TNK2: variants seen among roughly 807,000 people sequenced by gnomAD.
TNK2 encodes the protein tyrosine kinase non receptor 2, also known as activated CDC42 kinase 1.
In TNK2, 83 loss-of-function variants were observed where a neutral mutation model predicts 101.8. The ratio of observed to expected loss-of-function variants is 0.82; its 90% CI spans 0.68 to 0.98. The LOEUF (loss-of-function observed/expected upper bound fraction) is 0.98. Among genes scored for constraint, TNK2 ranks in the 50% least tolerant of loss-of-function variants. The pLI is 0.00. For missense variants in TNK2, 1,665 were observed against 1,483.2 expected (o/e 1.12, Z -2.01); for synonymous variants, 804 against 633.0 (o/e 1.27, Z -4.06).
intron 10 of TNK2, 147 bp from the exon 11 acceptor site, chr3:195,870,352 G>A: frequency 6.6e-7 from 1 of 1,509,216 alleles, no homozygotes; most frequent in Non-Finnish European, 8.9e-7. Flanking sequence ...CACAGAACCT[G>A]ACCGCACGTC....
At position 195,889,642 on chromosome 3, in the gene TNK2, G is replaced by A. The variant is rs538066920; in HGVS notation, c.-18-1036C>T. 7.2e-5 allele frequency among the ~76,000 whole-genome samples: 11 copies of A among 152,256 alleles called. No individual in the cohort carries two copies. In the South Asian group the frequency reaches 8.3e-4, roughly 11 times the overall value. ...AAAAGCATGCACACGCACACACAGCGTGCTGGCCAAAGCACACTGCAGGCC... is the reference window on the plus strand; with the variant it reads ...AAAAGCATGCACACGCACACACAGCATGCTGGCCAAAGCACACTGCAGGCC... On this transcript the variant is annotated intron_variant, in intron 1 of 15. Coordinates refer to ENST00000672887, the MANE Select transcript of TNK2 (RefSeq NM_001382273.1).
intron 12 of TNK2, chr3:195,869,129 C>T (rs1192602293): frequency 1.2e-5 from 6 of 501,842 alleles, no homozygotes; most frequent in Non-Finnish European, 2.2e-5. Context: ...GCTATAAGGA[C>T]TATCCTTGGA....
Position 195,867,191 on chromosome 3 carries a change from T to C in TNK2, c.3011A>G (p.Gln1004Arg). Residue 1004 changes from glutamine (Q) to arginine (R), a missense_variant, in exon 14 of 16, where the codon CAG becomes CGG. Physicochemically the swap from Gln to Arg is conservative, Grantham distance 43 (BLOSUM62 1). Coordinates refer to ENST00000672887, the MANE Select transcript of TNK2 (RefSeq NM_001382273.1). ...TACCTTCAGATACTGGGCAGCCCTCTGCACGCTCCAGCCGTGGCACTGCAG... is the reference window on the plus strand; with the variant it reads ...TACCTTCAGATACTGGGCAGCCCTCCGCACGCTCCAGCCGTGGCACTGCAG... ...AALQCHGWSV[Q>R]RAAQYLKVEQ... is the part of the protein sequence containing the mutation. The C allele has an allele frequency of 1.2e-6, 2 of 1,612,990 alleles. No homozygotes were observed. Among genetic ancestry groups the C allele is most frequent in the East Asian group, 2.2e-5 (1 of 44,870 alleles).
At chr3:195,898,181 A>G (rs1760839888) in intron 1 of TNK2, among the ~76,000 whole-genome samples, 1 of 151,718 alleles carries the variant, frequency 6.6e-6, no homozygotes, top group Non-Finnish European at 1.5e-5. Context: ...CGGACCCCCA[A>G]CCAAGACTCC....
chr3:195,905,014 G>T (rs1033231422), intron 1 of TNK2, among the ~76,000 whole-genome samples: 3 of 152,126 alleles, frequency 2.0e-5, no homozygotes, highest in East Asian at 1.9e-4. Context: ...GAAGTGCAAA[G>T]AACCCAGAAT....
chr3:195,880,042 G>A (rs1308428266), intron 6 of TNK2, among the ~76,000 whole-genome samples: 5 of 152,126 alleles, frequency 3.3e-5, no homozygotes, highest in Non-Finnish European at 7.4e-5. Flanking sequence ...CATGCGTCCT[G>A]GATCATAAGG....
intron 10 of TNK2, among the ~76,000 whole-genome samples, chr3:195,870,928 TGGGGGCCCGCTGTGTGGGTTCTGGTGTG>T (rs1224680575): frequency 6.6e-6 from 1 of 150,796 alleles, no homozygotes; most frequent in Non-Finnish European, 1.5e-5. Context: ...TTCTGGTGTG[TGGGGGCCCGCTGTGTGGGTTCTGGTGTG>T]GGGGGACTCG....
intron 1 of TNK2, among the ~76,000 whole-genome samples, chr3:195,896,500 A>G (rs1760541163): frequency 6.6e-6 from 1 of 152,218 alleles, no homozygotes; most frequent in Non-Finnish European, 1.5e-5. Context: ...TATGCTGTAC[A>G]GAAGCTCCTC....
intron 1 of TNK2, among the ~76,000 whole-genome samples, chr3:195,904,175 C>G (rs1248639195): frequency 6.6e-6 from 1 of 151,484 alleles, no homozygotes; most frequent in Non-Finnish European, 1.5e-5. Context: ...GGACGATCAC[C>G]TGAGCCCAGG....
chr3:195,892,595 G>C (rs1759027062), intron 1 of TNK2: 2 of 1,457,974 alleles, frequency 1.4e-6, no homozygotes. Flanking sequence ...CCAGGGGTGG[G>C]AAATGAGGAA....
At position 195,878,329 on chromosome 3, in the gene TNK2, G is replaced by T; in HGVS notation, c.1180C>A (p.Arg394=). The change falls in exon 9 of 16, where the codon CGG becomes AGG. Residue 394 remains arginine, a synonymous_variant. Transcript: ENST00000672887. The surrounding 1 kb of genome is among the most constrained non-coding windows in gnomAD (Gnocchi z 4.7). ...FLLEAQPTDM[R]ALQDFEEPDK... ...GGTTCCTCAAAGTCCTGAAGGGCCC[G>T]CATGTCTGTGGGCTGGGCCTGGAGG... 1 of 1,614,102 alleles carries T rather than the reference G, an allele frequency of 6.2e-7. No individual in the cohort carries two copies. The highest frequency in any genetic ancestry group is 8.5e-7 in the Non-Finnish European group (1 of 1,180,016).
Position 195,883,146 on chromosome 3 carries a change from G to T in TNK2, c.609+11C>A. ...TCTCCCTGCCCGCCCCCTCCCGCCCGCAGTACTCACCATCTTCATGGGCGG... is the reference window on the plus strand; with the variant it reads ...TCTCCCTGCCCGCCCCCTCCCGCCCTCAGTACTCACCATCTTCATGGGCGG... On this transcript the variant is annotated intron_variant, in intron 5 of 15. Transcript: ENST00000672887. 8.6e-7 allele frequency: 1 copy of T among 1,163,892 alleles called. No homozygotes were observed. 72.1% of individuals were successfully genotyped at this position (1,163,892 alleles called of 1,614,324 possible).
chr3:195,884,679 G>A (rs1235542526), intron 4 of TNK2, 133 bp downstream of exon 4: 4 of 764,298 alleles, frequency 5.2e-6, no homozygotes, highest in Non-Finnish European at 4.1e-6. Context: ...CAAAAATCCT[G>A]AGCACGGACT....
chr3:195,875,652 C>G (rs973082780), intron 9 of TNK2, among the ~76,000 whole-genome samples: 1 of 99,108 alleles, frequency 1.0e-5, no homozygotes, highest in Non-Finnish European at 1.9e-5. Flanking sequence ...CCGCCCTGTC[C>G]GCGCCCTCTC....
At chr3:195,895,121 C>A in intron 1 of TNK2, 4 of 903,838 alleles carry the variant, frequency 4.4e-6, no homozygotes, top group Non-Finnish European at 4.7e-6. Flanking sequence ...CTCTCTGTCC[C>A]CTGGCCCAGG....
intron 1 of TNK2, among the ~76,000 whole-genome samples, chr3:195,891,080 AG>A (rs1394965197): frequency 6.6e-6 from 1 of 152,266 alleles, no homozygotes. Context: ...TTAATATAAC[AG>A]GTTATATATT....
intron 1 of TNK2, among the ~76,000 whole-genome samples, chr3:195,902,809 G>A (rs1184430733): frequency 6.6e-6 from 1 of 151,924 alleles, no homozygotes; most frequent in Non-Finnish European, 1.5e-5. Context: ...GAGTGCAGTG[G>A]CGCAATCTCG....
At chr3:195,891,514 AC>A (rs1333916272) in intron 1 of TNK2, among the ~76,000 whole-genome samples, 25 of 152,236 alleles carry the variant, frequency 1.6e-4, no homozygotes, top group Non-Finnish European at 3.1e-4. Flanking sequence ...TGTTTACAAA[AC>A]AAGAGGCGTG....
intron 1 of TNK2, among the ~76,000 whole-genome samples, chr3:195,903,938 TTACATA>T (rs1258899958): frequency 6.6e-6 from 1 of 152,110 alleles, no homozygotes; most frequent in African/African-American, 2.4e-5. Context: ...TCAATGGTAT[TTACATA>T]TACTAGCAAC....
Sources: allele counts gnomAD v4.1 joint callset (sites outside exome capture counted in the v4.1 genomes callset), GRCh38; gene constraint gnomAD v4.1.1; non-coding constraint Gnocchi (gnomAD v3.1); transcripts MANE v1.5; gene names NCBI Gene and HGNC (gene_info 2026-07-23, HGNC 2026-07-21).